CFAP299: variants seen among roughly 807,000 people sequenced by gnomAD.
The protein encoded by CFAP299 is cilia and flagella associated protein 299, also known as cilia- and flagella-associated protein 299.
A neutral mutation model predicts 27.0 loss-of-function variants in CFAP299; 21 were observed. The observed-to-expected ratio is 0.78, with a 90% CI of 0.55 to 1.12. The LOEUF (loss-of-function observed/expected upper bound fraction) is 1.12. Ranked by LOEUF, CFAP299 falls within the 50% of genes most tolerant of loss-of-function variation. The pLI, the probability that CFAP299 is intolerant of heterozygous loss-of-function variation, is 0.00. For synonymous variants in CFAP299, 104 were observed against 98.1 expected (o/e 1.06, Z -0.36); for missense variants, 310 against 276.6 (o/e 1.12, Z -0.86).
At chr4:80,638,252 T>C (rs1015694709) in intron 3 of CFAP299, among the ~76,000 whole-genome samples, 1 of 152,180 alleles carries the variant, frequency 6.6e-6, no homozygotes, top group African/African-American at 2.4e-5. Flanking sequence ...AGAACTTTTA[T>C]TCAGTTTTAG....
At chr4:80,641,843 G>A (rs897646357) in intron 3 of CFAP299, among the ~76,000 whole-genome samples, 1 of 152,152 alleles carries the variant, frequency 6.6e-6, no homozygotes, top group African/African-American at 2.4e-5. Context: ...ATAAATAGAT[G>A]GGATATGGAA....
chr4:80,461,577 G>C (rs1047168876), intron 2 of CFAP299, among the ~76,000 whole-genome samples: 2 of 152,078 alleles, frequency 1.3e-5, no homozygotes, highest in African/African-American at 4.8e-5. Flanking sequence ...CCCAAGGGAG[G>C]AATGTATAAT....
intron 3 of CFAP299, among the ~76,000 whole-genome samples, chr4:80,759,369 T>G (rs1481341269): frequency 6.6e-6 from 1 of 152,204 alleles, no homozygotes; most frequent in Admixed American, 6.5e-5. Context: ...AGTGGTAGTT[T>G]AAGGTCTGAT....
intron 2 of CFAP299, among the ~76,000 whole-genome samples, chr4:80,550,990 G>A (rs1422161429): frequency 6.6e-6 from 1 of 152,072 alleles, no homozygotes; most frequent in Non-Finnish European, 1.5e-5. Context: ...GTTAAAGATG[G>A]ATAATTGACA....
intron 2 of CFAP299, among the ~76,000 whole-genome samples, chr4:80,364,512 C>A (rs1000716046): frequency 6.6e-6 from 1 of 152,122 alleles, no homozygotes; most frequent in Non-Finnish European, 1.5e-5. Flanking sequence ...TACACTGTGC[C>A]CATCTAATGA....
At chr4:80,545,156 A>C (rs1734166150) in intron 2 of CFAP299, among the ~76,000 whole-genome samples, 1 of 152,168 alleles carries the variant, frequency 6.6e-6, no homozygotes, top group Admixed American at 6.5e-5. Context: ...TGAAACTGAA[A>C]AAACAGATGC....
chr4:80,447,050 A>G (rs1241706172), intron 2 of CFAP299, among the ~76,000 whole-genome samples: 1 of 150,326 alleles, frequency 6.7e-6, no homozygotes, highest in Non-Finnish European at 1.5e-5. Flanking sequence ...TTTTATAAGT[A>G]GGCACTTACC....
chr4:80,488,683 A>C (rs914911581), intron 2 of CFAP299, among the ~76,000 whole-genome samples: 1 of 152,144 alleles, frequency 6.6e-6, no homozygotes, highest in African/African-American at 2.4e-5. Flanking sequence ...TCACCGTGTT[A>C]GCCAGGATGG....
chr4:80,853,387 A>G lies in CFAP299; in HGVS notation c.334-16606A>G, dbSNP rs191482707. Among the ~76,000 whole-genome samples, 587 of 152,338 alleles carry G rather than the reference A, an allele frequency of 3.9e-3. 1 individual carries two copies. Among genetic ancestry groups the G allele is most frequent in the Middle Eastern group, 0.014 (4 of 294 alleles). On this transcript the variant is annotated intron_variant, in intron 3 of 5. Transcript: ENST00000358105. ...AAGAAATAAGTACCAAGATAGATAT[A>G]GCTGCTGTGAACAAAAATAAAACAA...
At chr4:80,862,377 A>G (rs970567810) in intron 3 of CFAP299, among the ~76,000 whole-genome samples, 1 of 152,068 alleles carries the variant, frequency 6.6e-6, no homozygotes, top group African/African-American at 2.4e-5. Context: ...CTCGAAAAAT[A>G]TAGTAAATAA....
chr4:80,605,019 A>T (rs539756186), intron 3 of CFAP299, among the ~76,000 whole-genome samples: 15 of 152,288 alleles, frequency 9.8e-5, no homozygotes, highest in Admixed American at 9.2e-4. Flanking sequence ...TACATTGGCA[A>T]GATGATATGT....
rs1455933225 is a variant in CFAP299, at chr4:80,644,466, A to G, written c.333+61283A>G. Among the ~76,000 whole-genome samples, 3 of 152,320 alleles carry G rather than the reference A, an allele frequency of 2.0e-5. No individual in the cohort carries two copies. In the East Asian group the frequency reaches 5.8e-4, roughly 29 times the overall value. On this transcript the variant is annotated intron_variant, in intron 3 of 5. Coordinates refer to ENST00000358105, the MANE Select transcript of CFAP299 (RefSeq NM_152770.3). ...GTATTTGGGTAACACACCCAATATT[A>G]GAACCTAGACCTAACAATTTCATTC...
At chr4:80,620,620 G>A (rs1375004840) in intron 3 of CFAP299, among the ~76,000 whole-genome samples, 1 of 152,062 alleles carries the variant, frequency 6.6e-6, no homozygotes. Context: ...ATCAGTCTCT[G>A]TATTCTTTTC....
chr4:80,947,744 T>G (rs980647163), intron 5 of CFAP299, among the ~76,000 whole-genome samples: 7 of 152,106 alleles, frequency 4.6e-5, no homozygotes, highest in Non-Finnish European at 7.4e-5. Context: ...AGAAAGACAC[T>G]TATATATTTT....
intron 3 of CFAP299, among the ~76,000 whole-genome samples, chr4:80,793,136 TTTA>T (rs1190985290): frequency 6.6e-6 from 1 of 151,342 alleles, no homozygotes; most frequent in Non-Finnish European, 1.5e-5. Flanking sequence ...TGTATGGTAG[TTTA>T]TTAAGTATTA....
intron 2 of CFAP299, among the ~76,000 whole-genome samples, chr4:80,444,600 A>G (rs1295689299): frequency 6.6e-6 from 1 of 152,212 alleles, no homozygotes; most frequent in African/African-American, 2.4e-5. Flanking sequence ...AGGCAATACT[A>G]TTCAGGACTT....
chr4:80,515,409 C>A (rs76514171), intron 2 of CFAP299, among the ~76,000 whole-genome samples: 2,702 of 152,212 alleles, frequency 0.018, 81 homozygotes, highest in African/African-American at 0.06. Flanking sequence ...TTGCTATGCT[C>A]TCCATTTCAT....
At position 80,769,107 on chromosome 4, in the gene CFAP299, T is replaced by C. The variant is rs139939551; in HGVS notation, c.334-100886T>C. On this transcript the variant is annotated intron_variant, in intron 3 of 5. Coordinates refer to ENST00000358105, the MANE Select transcript of CFAP299 (RefSeq NM_152770.3). ...AAATCTTTGAGAGATGCCAATACTG[T>C]CATTTGAAAGAAAAAAATAAGGGCT... 7.7e-3 allele frequency among the ~76,000 whole-genome samples: 1,168 copies of C among 152,276 alleles called. 9 individuals carry two copies. Among genetic ancestry groups the C allele is most frequent in the Non-Finnish European group, 0.012 (820 of 68,028 alleles).
intron 2 of CFAP299, among the ~76,000 whole-genome samples, chr4:80,458,483 T>A (rs1222391495): frequency 6.6e-6 from 1 of 152,188 alleles, no homozygotes; most frequent in African/African-American, 2.4e-5. Context: ...TCTGCCTTTT[T>A]AAAAAAATCT....
Sources: allele counts gnomAD v4.1 joint callset (sites outside exome capture counted in the v4.1 genomes callset), GRCh38; gene constraint gnomAD v4.1.1; transcripts MANE v1.5; gene names NCBI Gene and HGNC (gene_info 2026-07-23, HGNC 2026-07-21).